Variants in TULP4 observed in about 807,000 individuals in gnomAD.
TULP4 encodes tubby-related protein 4.
In TULP4, 16 loss-of-function variants were observed where a neutral mutation model predicts 129.0. That is an observed-to-expected ratio of 0.12 (90% CI 0.08 to 0.19). The LOEUF (loss-of-function observed/expected upper bound fraction) is 0.19, where lower values mean the gene tolerates loss of function less well. Ranked by LOEUF, TULP4 falls within the 10% of genes least tolerant of loss-of-function variation. TULP4 has a pLI of 1.00. For synonymous variants in TULP4, 998 were observed against 854.0 expected (o/e 1.17, Z -2.94); for missense variants, 1,842 against 2,059.1 (o/e 0.89, Z 2.04).
At chr6:158,299,795 A>G (rs937023760) in intron 1 of TULP4, among the ~76,000 whole-genome samples, 4 of 152,188 alleles carry the variant, frequency 2.6e-5, no homozygotes, top group African/African-American at 9.7e-5. Context: ...TAAGCCTAAT[A>G]AGAATAATTT....
At chr6:158,271,149 C>CAAAAA (rs1220844247) in intron 1 of TULP4, among the ~76,000 whole-genome samples, 1 of 78,996 alleles carries the variant, frequency 1.3e-5, no homozygotes, top group South Asian at 4.2e-4. Context: ...GACTCTGTCT[C>CAAAAA]AAAAAAAAAA....
chr6:158,375,149 A>G (rs1453544947), intron 1 of TULP4, among the ~76,000 whole-genome samples: 1 of 152,212 alleles, frequency 6.6e-6, no homozygotes, highest in Admixed American at 6.5e-5. Context: ...AGGCTGAGAC[A>G]GGAGAATTGC....
chr6:158,252,559 A>G (rs1305561260), intron 1 of TULP4, among the ~76,000 whole-genome samples: 3 of 151,958 alleles, frequency 2.0e-5, no homozygotes, highest in Admixed American at 2.0e-4. Context: ...TATTTTCGGT[A>G]GAGACGAGGT....
chr6:158,497,966 A>G (rs919899924), intron 11 of TULP4, among the ~76,000 whole-genome samples: 26 of 152,242 alleles, frequency 1.7e-4, no homozygotes, highest in African/African-American at 6.0e-4. Flanking sequence ...ACTACTGTGA[A>G]ACTTAAATTC....
At chr6:158,280,571 A>G (rs1223531117), upstream of TULP4, among the ~76,000 whole-genome samples, 1 of 152,274 alleles carries the variant, frequency 6.6e-6, no homozygotes, top group Non-Finnish European at 1.5e-5. Context: ...TTCCACTTAA[A>G]TGAGGCCCTG....
chr6:158,499,336 G>A (rs762237454), intron 12 of TULP4, among the ~76,000 whole-genome samples: 9 of 152,142 alleles, frequency 5.9e-5, no homozygotes, highest in Non-Finnish European at 8.8e-5. Flanking sequence ...CACCGCAACC[G>A]CATGTCTCAG....
At chr6:158,369,777 T>C (rs1211991259) in intron 1 of TULP4, among the ~76,000 whole-genome samples, 1 of 152,138 alleles carries the variant, frequency 6.6e-6, no homozygotes, top group African/African-American at 2.4e-5. Context: ...GTAATAGTGG[T>C]TGCCTCTGGG....
At chr6:158,396,156 C>G (rs574285883) in intron 1 of TULP4, among the ~76,000 whole-genome samples, 1 of 152,158 alleles carries the variant, frequency 6.6e-6, no homozygotes, top group Non-Finnish European at 1.5e-5. Context: ...TAGTAGAGAA[C>G]CAAGCAGAGT....
At chr6:158,465,548 T>G (rs920124790) in intron 6 of TULP4, among the ~76,000 whole-genome samples, 1 of 152,194 alleles carries the variant, frequency 6.6e-6, no homozygotes, top group Non-Finnish European at 1.5e-5. Context: ...TAATTCTATT[T>G]TTAATTTTGT....
chr6:158,310,926 G>A (rs1025618071), upstream of TULP4, among the ~76,000 whole-genome samples: 3 of 151,944 alleles, frequency 2.0e-5, no homozygotes, highest in African/African-American at 7.3e-5. Context: ...AATTTTTACT[G>A]CCGTATCAAA....
chr6:158,237,240 A>C (rs944549016), intron 1 of TULP4: 2 of 819,360 alleles, frequency 2.4e-6, no homozygotes, highest in Middle Eastern at 2.2e-4. Context: ...GGAGATGAAG[A>C]GGGAGCAGTT....
At chr6:158,442,450 A>G (rs1778918818) in intron 3 of TULP4, among the ~76,000 whole-genome samples, 1 of 151,888 alleles carries the variant, frequency 6.6e-6, no homozygotes, top group South Asian at 2.1e-4. Flanking sequence ...TTTGCAGAGG[A>G]TAGGATGTTC....
chr6:158,287,608 C>T (rs1778854525), intron 1 of TULP4, among the ~76,000 whole-genome samples: 1 of 152,038 alleles, frequency 6.6e-6, no homozygotes, highest in African/African-American at 2.4e-5. Context: ...AAGATAGAAA[C>T]ATTTGCTGTA....
chr6:158,339,592 C>T (rs1780131864), intron 1 of TULP4, among the ~76,000 whole-genome samples: 2 of 152,142 alleles, frequency 1.3e-5, no homozygotes, highest in African/African-American at 4.8e-5. Flanking sequence ...CATTCTTTTC[C>T]CAGGGCTGTT....
chr6:158,403,146 A>G (rs1754419), intron 1 of TULP4, among the ~76,000 whole-genome samples: 109,801 of 151,726 alleles, frequency 0.72, 40,146 homozygotes, highest in African/African-American at 0.78. Flanking sequence ...TTTGCTGTGC[A>G]CTACTTGAGC....
chr6:158,373,959 C>T (rs1289269285), intron 1 of TULP4, among the ~76,000 whole-genome samples: 1 of 152,074 alleles, frequency 6.6e-6, no homozygotes, highest in Non-Finnish European at 1.5e-5. Flanking sequence ...GTGAGAAAGG[C>T]TTAATTTTCT....
chr6:158,439,700 C>CT (rs71030170), intron 3 of TULP4, among the ~76,000 whole-genome samples: 14,868 of 68,186 alleles, frequency 0.22, 4,716 homozygotes, highest in South Asian at 0.28. Context: ...ACTAGAGTTT[C>CT]TTTTTTTTTT....
At chr6:158,489,106 C>T (rs929825413) in intron 8 of TULP4, among the ~76,000 whole-genome samples, 2 of 152,210 alleles carry the variant, frequency 1.3e-5, no homozygotes, top group Non-Finnish European at 2.9e-5. Flanking sequence ...GACTTTCTGA[C>T]TTTCCAGACC....
intron 1 of TULP4, among the ~76,000 whole-genome samples, chr6:158,272,797 CAGTT>C (rs933151367): frequency 3.9e-5 from 6 of 152,354 alleles, no homozygotes; most frequent in East Asian, 3.9e-4. Flanking sequence ...ACAAATGTGA[CAGTT>C]AGGTTTGTGT....
Sources: allele counts gnomAD v4.1 joint callset (sites outside exome capture counted in the v4.1 genomes callset), GRCh38; gene constraint gnomAD v4.1.1; transcripts MANE v1.5; gene names NCBI Gene and HGNC (gene_info 2026-07-23, HGNC 2026-07-21).